Variants in CNTNAP2 observed in about 807,000 individuals in gnomAD.
CNTNAP2 encodes the protein contactin-associated protein-like 2.
CNTNAP2 carries 98 observed loss-of-function variants against 155.2 expected under a neutral mutation model. The observed-to-expected ratio is 0.63, with a 90% confidence interval of 0.54 to 0.75. CNTNAP2 has a LOEUF of 0.75. CNTNAP2 is among the 30% of genes least tolerant of loss of function. CNTNAP2 has a pLI of 0.00. For synonymous variants in CNTNAP2, 651 were observed against 631.2 expected, an observed-to-expected ratio of 1.03 and a Z score of -0.47; for missense variants, 1,727 against 1,688.1, an observed-to-expected ratio of 1.02 and a Z score of -0.40.
At chr7:146,846,852 T>C (rs897690036) in intron 3 of CNTNAP2, among the ~76,000 whole-genome samples, 1 of 152,172 alleles carries the variant, frequency 6.6e-6, no homozygotes, top group Non-Finnish European at 1.5e-5. Context: ...TAACAGTATA[T>C]AGTTCTTCAC....
chr7:148,003,261 A>C (rs534418394), intron 15 of CNTNAP2, among the ~76,000 whole-genome samples: 33 of 152,268 alleles, frequency 2.2e-4, no homozygotes, highest in Admixed American at 5.9e-4. Flanking sequence ...AAGGGATGAG[A>C]TCAGAATTAC....
At chr7:146,968,651 G>A (rs1797712718) in intron 3 of CNTNAP2, among the ~76,000 whole-genome samples, 1 of 151,828 alleles carries the variant, frequency 6.6e-6, no homozygotes, top group South Asian at 2.1e-4. Context: ...GGGATCGGTG[G>A]TGATATCCCC....
chr7:147,670,197 T>C (rs1156491420), intron 13 of CNTNAP2, among the ~76,000 whole-genome samples: 2 of 152,204 alleles, frequency 1.3e-5, no homozygotes, highest in Admixed American at 1.3e-4. Context: ...TTCTTGTTTT[T>C]TAAATTTCCG....
intron 12 of CNTNAP2, among the ~76,000 whole-genome samples, chr7:147,585,773 A>G (rs1800608021): frequency 2.5e-5 from 2 of 78,546 alleles, no homozygotes; most frequent in South Asian, 7.5e-4. Flanking sequence ...GTGTGTATAT[A>G]TATGTGTGTG....
At chr7:146,344,071 T>C (rs568336295) in intron 1 of CNTNAP2, among the ~76,000 whole-genome samples, 2 of 152,308 alleles carry the variant, frequency 1.3e-5, no homozygotes, top group East Asian at 3.9e-4. Flanking sequence ...AAGAAGCTAT[T>C]GTAAAAAGAA....
chr7:146,384,374 C>T (rs536312623), intron 1 of CNTNAP2, among the ~76,000 whole-genome samples: 1 of 152,162 alleles, frequency 6.6e-6, no homozygotes, highest in Non-Finnish European at 1.5e-5. Flanking sequence ...TGAAGATATC[C>T]AGCATATCAT....
chr7:146,669,864 G>A (rs543399979), intron 1 of CNTNAP2, among the ~76,000 whole-genome samples: 10 of 147,786 alleles, frequency 6.8e-5, no homozygotes, highest in African/African-American at 1.3e-4. Context: ...TAATTTAACC[G>A]TTTTTTCATG....
At chr7:148,155,511 A>T (rs1016958462) in intron 17 of CNTNAP2, among the ~76,000 whole-genome samples, 2 of 152,042 alleles carry the variant, frequency 1.3e-5, no homozygotes, top group African/African-American at 4.8e-5. Flanking sequence ...GATTGGCTCT[A>T]CCCAAAGGAA....
intron 1 of CNTNAP2, among the ~76,000 whole-genome samples, chr7:146,664,248 G>A (rs937122018): frequency 1.4e-4 from 18 of 132,490 alleles, no homozygotes; most frequent in African/African-American, 4.6e-4. Context: ...TGCAACCTCC[G>A]CCTCCGGAGT....
intron 16 of CNTNAP2, among the ~76,000 whole-genome samples, chr7:148,135,742 G>T (rs149890691): frequency 6.7e-6 from 1 of 150,250 alleles, no homozygotes; most frequent in East Asian, 2.0e-4. Flanking sequence ...CCAGCTACTC[G>T]GGAGGCTGAG....
intron 1 of CNTNAP2, among the ~76,000 whole-genome samples, chr7:146,256,392 C>T (rs968147800): frequency 6.6e-6 from 1 of 151,982 alleles, no homozygotes; most frequent in Non-Finnish European, 1.5e-5. Flanking sequence ...AAGGTCCATT[C>T]TGTGAAATTC....
At chr7:148,106,493 GATATATATATAT>G (rs10532740) in intron 15 of CNTNAP2, among the ~76,000 whole-genome samples, 9 of 124,926 alleles carry the variant, frequency 7.2e-5, no homozygotes, top group Non-Finnish European at 1.3e-4. Context: ...CACACTTTGA[GATATATATATAT>G]ATATATATAT....
rs186584203 is a variant in CNTNAP2, at chr7:147,774,951, C to T, written c.2099-128614C>T. Among the ~76,000 whole-genome samples the T allele has an allele frequency of 6.2e-3, 938 of 151,976 alleles. 5 individuals are homozygous for T. Among genetic ancestry groups the T allele is most frequent in the Admixed American group, 9.8e-3 (149 of 15,260 alleles). ...TATATACCAGAACTAAACCCATTAA[C>T]CACGTGGCAGTTCAGTGCTTTCTCT... is the stretch of plus-strand genomic sequence containing the variant. On this transcript the variant is annotated intron_variant, in intron 13 of 23. Transcript: ENST00000361727.
At chr7:146,497,254 A>G (rs932831331) in intron 1 of CNTNAP2, among the ~76,000 whole-genome samples, 1 of 152,226 alleles carries the variant, frequency 6.6e-6, no homozygotes, top group African/African-American at 2.4e-5. Flanking sequence ...CTGAAAAAGT[A>G]TGAATGCACT....
At chr7:146,918,637 T>C (rs761426789) in intron 3 of CNTNAP2, among the ~76,000 whole-genome samples, 6 of 152,224 alleles carry the variant, frequency 3.9e-5, no homozygotes, top group Non-Finnish European at 8.8e-5. Context: ...TGAATTTAGA[T>C]AACCTGATGA....
intron 21 of CNTNAP2, among the ~76,000 whole-genome samples, chr7:148,332,116 T>G (rs1332298879): frequency 7.0e-6 from 1 of 142,294 alleles, no homozygotes; most frequent in African/African-American, 2.6e-5. Flanking sequence ...AAAATAGATA[T>G]ACAAAGAGAT....
chr7:146,911,288 C>T (rs1402388258), intron 3 of CNTNAP2, among the ~76,000 whole-genome samples: 1 of 152,018 alleles, frequency 6.6e-6, no homozygotes, highest in Non-Finnish European at 1.5e-5. Context: ...CCATTTGACC[C>T]AGCCATCCTA....
At chr7:146,677,293 T>C (rs932177531) in intron 1 of CNTNAP2, among the ~76,000 whole-genome samples, 1 of 152,180 alleles carries the variant, frequency 6.6e-6, no homozygotes, top group African/African-American at 2.4e-5. Context: ...AGACCTGGAA[T>C]GCATAGAAAG....
chr7:147,006,043 T>A (rs1189239739), intron 3 of CNTNAP2, among the ~76,000 whole-genome samples: 1 of 152,004 alleles, frequency 6.6e-6, no homozygotes, highest in Non-Finnish European at 1.5e-5. Flanking sequence ...TAAATTACAC[T>A]GGAAAAAGAC....
Sources: gnomAD v4.1 joint callset for allele counts (sites outside exome capture counted in the v4.1 genomes callset) on GRCh38, gnomAD v4.1.1 for gene constraint, MANE v1.5 for transcripts, NCBI Gene and HGNC (gene_info 2026-07-23, HGNC 2026-07-21) for gene names.